Variants in OMA1 observed in about 807,000 individuals in gnomAD.
The protein encoded by OMA1 is metalloendopeptidase OMA1, mitochondrial.
In OMA1, 38 loss-of-function variants were observed where a neutral mutation model predicts 30.9. The observed-to-expected ratio is 1.23, with a 90% CI of 0.95 to 1.61. The LOEUF is 1.61. Among genes scored for constraint, OMA1 ranks in the 40% most tolerant of loss-of-function variants. The pLI is 0.00. For missense variants in OMA1, 461 were observed against 349.2 expected, an observed-to-expected ratio of 1.32 and a Z score of -2.55; for synonymous variants, 173 against 121.9, an observed-to-expected ratio of 1.42 and a Z score of -2.76.
At chr1:58,501,768 A>G (rs952778261) in intron 8 of OMA1, among the ~76,000 whole-genome samples, 5 of 152,166 alleles carry the variant, frequency 3.3e-5, no homozygotes. Context: ...TCTAAAATTC[A>G]TATTTTGAAG....
At chr1:58,506,279 T>C in intron 7 of OMA1, 70 bp from the exon 8 acceptor site, 1 of 675,886 alleles carries the variant, frequency 1.5e-6, no homozygotes, top group Non-Finnish European at 2.5e-6. Flanking sequence ...TACTACTTTA[T>C]TTTTTTTTAA....
At chr1:58,490,759 C>T (rs1402125436) in intron 8 of OMA1, among the ~76,000 whole-genome samples, 2 of 141,388 alleles carry the variant, frequency 1.4e-5, no homozygotes, top group African/African-American at 5.1e-5. Context: ...AGAAACTCTA[C>T]AAGCCAGAAG....
intron 8 of OMA1, among the ~76,000 whole-genome samples, chr1:58,497,092 C>T (rs1645815162): frequency 6.6e-6 from 1 of 152,074 alleles, no homozygotes; most frequent in Non-Finnish European, 1.5e-5. Context: ...AATATCCTTC[C>T]CAAAATTTAA....
intron 6 of OMA1, among the ~76,000 whole-genome samples, chr1:58,528,213 G>A (rs934601605): frequency 2.0e-5 from 3 of 152,172 alleles, no homozygotes; most frequent in Non-Finnish European, 2.9e-5. Flanking sequence ...ATGTGCCCCC[G>A]TCAAGTCTAT....
At chr1:58,483,684 A>C (rs942532079) in intron 8 of OMA1, among the ~76,000 whole-genome samples, 1 of 152,226 alleles carries the variant, frequency 6.6e-6, no homozygotes, top group Non-Finnish European at 1.5e-5. Flanking sequence ...ACAGAAAGTC[A>C]GATCCTCAGC....
In OMA1 at chr1:58,481,093, G is replaced by A; in HGVS notation, c.1447C>T (p.His483Tyr). The change falls in exon 9 of 9, where the codon CAT (histidine) becomes TAT (tyrosine). Residue 483 changes from histidine to tyrosine, a missense_variant. Physicochemically the swap from His to Tyr is moderately conservative, Grantham distance 83. Transcript: ENST00000371226. ...PRLLFKLSTKHFLEESEKEDL... is the reference protein window; with the variant it reads ...PRLLFKLSTKYFLEESEKEDL... ...TCTTTCTCTGATTCTTCAAGAAAAT[G>A]CTTCGTGCTGAGTTTGAATAGTAAT... is the stretch of plus-strand genomic sequence containing the variant. The A allele has an allele frequency of 5.7e-6, 5 of 871,952 alleles. No individual in the cohort carries two copies. The highest frequency in any genetic ancestry group is 5.2e-5 in the South Asian group (4 of 76,510). The allele number at this position is 871,952 out of a possible 1,614,324, so 54.0% of individuals were successfully genotyped here.
intron 7 of OMA1, among the ~76,000 whole-genome samples, chr1:58,519,562 A>G (rs1389938160): frequency 1.3e-5 from 2 of 152,158 alleles, no homozygotes; most frequent in Non-Finnish European, 2.9e-5. Context: ...CTTAGCACAG[A>G]GAATACCTCT....
chr1:58,500,455 A>C (rs1557442966), intron 8 of OMA1, among the ~76,000 whole-genome samples: 1 of 152,208 alleles, frequency 6.6e-6, no homozygotes, highest in Non-Finnish European at 1.5e-5. Context: ...GTCCAATTAT[A>C]AACGTGTAAG....
At chr1:58,540,909 A>T (rs1166666153) in intron 1 of OMA1, among the ~76,000 whole-genome samples, 1 of 152,122 alleles carries the variant, frequency 6.6e-6, no homozygotes, top group Non-Finnish European at 1.5e-5. Context: ...AATCCTACAC[A>T]AAAGAAACAC....
At chr1:58,493,066 C>T (rs1447396285) in intron 8 of OMA1, among the ~76,000 whole-genome samples, 1 of 152,176 alleles carries the variant, frequency 6.6e-6, no homozygotes, top group Non-Finnish European at 1.5e-5. Context: ...AGCTTATCCA[C>T]CATGATCAAG....
intron 8 of OMA1, among the ~76,000 whole-genome samples, chr1:58,502,935 T>G (rs1441291903): frequency 6.6e-6 from 1 of 152,216 alleles, no homozygotes; most frequent in East Asian, 1.9e-4. Context: ...GAAAAATGTC[T>G]CACGTCTTTG....
chr1:58,485,228 T>TAAA (rs71043289), intron 8 of OMA1, among the ~76,000 whole-genome samples: 31 of 42,046 alleles, frequency 7.4e-4, no homozygotes, highest in East Asian at 4.9e-3. Flanking sequence ...AGTCTACTAC[T>TAAA]AAAAAAAAAA....
intron 7 of OMA1, among the ~76,000 whole-genome samples, chr1:58,510,954 A>T (rs1646067678): frequency 6.6e-6 from 1 of 152,118 alleles, no homozygotes; most frequent in Non-Finnish European, 1.5e-5. Flanking sequence ...TCTAAAAAAA[A>T]ACTGATGAAA....
chr1:58,491,299 G>A (rs965913406), intron 8 of OMA1, among the ~76,000 whole-genome samples: 10 of 152,182 alleles, frequency 6.6e-5, no homozygotes, highest in Admixed American at 2.0e-4. Flanking sequence ...GGTACCAGCC[G>A]CAGCAAAAAC....
chr1:58,493,345 G>A (rs576037258), intron 8 of OMA1, among the ~76,000 whole-genome samples: 39 of 152,290 alleles, frequency 2.6e-4, no homozygotes, highest in African/African-American at 9.1e-4. Context: ...CATTCCCTTT[G>A]AAAACTGGCA....
chr1:58,510,058 A>G (rs1427700768), intron 7 of OMA1, among the ~76,000 whole-genome samples: 1 of 152,160 alleles, frequency 6.6e-6, no homozygotes, highest in East Asian at 1.9e-4. Context: ...CACCAAAAAC[A>G]TTTAAAGAAT....
intron 7 of OMA1, among the ~76,000 whole-genome samples, chr1:58,525,446 A>T (rs1358261135): frequency 6.6e-6 from 1 of 152,160 alleles, no homozygotes; most frequent in African/African-American, 2.4e-5. Flanking sequence ...TTTTATATAC[A>T]AGCAATTTAC....
At chr1:58,490,130 G>A (rs990400431) in intron 8 of OMA1, among the ~76,000 whole-genome samples, 11 of 152,128 alleles carry the variant, frequency 7.2e-5, no homozygotes, top group Admixed American at 1.3e-4. Context: ...TGCTTCAGAC[G>A]ATCAAACTAC....
intron 7 of OMA1, among the ~76,000 whole-genome samples, chr1:58,523,950 T>C (rs920200900): frequency 6.6e-6 from 1 of 152,168 alleles, no homozygotes; most frequent in African/African-American, 2.4e-5. Flanking sequence ...AATTCTTAAC[T>C]TTAGGAACAA....
Sources: allele counts gnomAD v4.1 joint callset (sites outside exome capture counted in the v4.1 genomes callset), GRCh38; gene constraint gnomAD v4.1.1; transcripts MANE v1.5; gene names NCBI Gene and HGNC (gene_info 2026-07-23, HGNC 2026-07-21).